Variants in DRD3 observed in about 807,000 individuals in gnomAD.
The protein encoded by DRD3 is D(3) dopamine receptor.
A neutral mutation model predicts 36.3 loss-of-function variants in DRD3; 19 were observed. The observed-to-expected ratio is 0.52, with a 90% CI of 0.36 to 0.77. DRD3 has a LOEUF of 0.77. Ranked by LOEUF, DRD3 falls within the 30% of genes least tolerant of loss-of-function variation. DRD3 has a pLI of 0.00. For missense variants in DRD3, 465 were observed against 505.3 expected, an observed-to-expected ratio of 0.92 and a Z score of 0.77; for synonymous variants, 195 against 203.7, an observed-to-expected ratio of 0.96 and a Z score of 0.36.
At chr3:114,164,010 C>G (rs1377718781) in intron 2 of DRD3, among the ~76,000 whole-genome samples, 2 of 151,804 alleles carry the variant, frequency 1.3e-5, no homozygotes, top group Non-Finnish European at 2.9e-5. Context: ...AACTTGAGGT[C>G]AGGAGTTCGA....
Position 114,131,112 on chromosome 3 carries a change from A to G in DRD3, c.1006+6T>C. The G allele has an allele frequency of 6.2e-7, 1 of 1,611,678 alleles. No individual in the cohort carries two copies. Among genetic ancestry groups the G allele is most frequent in the Non-Finnish European group, 8.5e-7 (1 of 1,178,044 alleles). On this transcript the variant is annotated splice_donor_region_variant and intron_variant, in intron 6 of 6. Transcript: ENST00000383673. ...CCCAACACAGCTCAAGCCAACCCAAACTTACCAAGCACAATGGCCACCATT... is the reference window on the plus strand; with the variant it reads ...CCCAACACAGCTCAAGCCAACCCAAGCTTACCAAGCACAATGGCCACCATT...
intron 3 of DRD3, among the ~76,000 whole-genome samples, chr3:114,156,793 TTC>T (rs1454438663): frequency 2.3e-4 from 32 of 141,932 alleles, no homozygotes; most frequent in African/African-American, 7.9e-4. Flanking sequence ...CTTTCTTTCT[TTC>T]TTTCTCTTTT....
At chr3:114,198,919 A>G (rs56334590) in intron 1 of DRD3, among the ~76,000 whole-genome samples, 28,351 of 152,062 alleles carry the variant, frequency 0.19, 3,112 homozygotes, top group Admixed American at 0.31. Flanking sequence ...TTAAAAATAT[A>G]TATTTTTGTA....
At chr3:114,152,238 CCT>C (rs1395619299) in intron 3 of DRD3, among the ~76,000 whole-genome samples, 1 of 152,118 alleles carries the variant, frequency 6.6e-6, no homozygotes, top group Non-Finnish European at 1.5e-5. Flanking sequence ...TGATGCAAGT[CCT>C]CTCTCGAATC....
At chr3:114,164,220 CAAAA>C (rs34500434) in intron 2 of DRD3, among the ~76,000 whole-genome samples, 118 of 17,742 alleles carry the variant, frequency 6.7e-3, no homozygotes, top group African/African-American at 0.013. Flanking sequence ...GCCTCAGTCT[CAAAA>C]AAAAAAAAAA....
upstream of DRD3, among the ~76,000 whole-genome samples, chr3:114,182,572 GT>G (rs929272805): frequency 5.9e-5 from 9 of 151,728 alleles, no homozygotes; most frequent in Non-Finnish European, 1.3e-4. Context: ...TTTTCTTCCT[GT>G]TTTTTACTAC....
In DRD3 at chr3:114,190,035, A is replaced by T. The variant is rs114887662; in HGVS notation, c.-156+9238T>A. ...CCTGCTGTCACAGCAGATGGGGAAA[A>T]AAGCCGGAGTAACCTGTGGAATTGC... On this transcript the variant is annotated intron_variant, in intron 1 of 7. Coordinates refer to the DRD3 transcript ENST00000460779. 1.0e-3 allele frequency among the ~76,000 whole-genome samples: 157 copies of T among 152,268 alleles called. 2 individuals carry two copies. Among genetic ancestry groups the T allele is most frequent in the African/African-American group, 3.7e-3 (153 of 41,574 alleles).
At chr3:114,154,013 A>G (rs925093810) in intron 3 of DRD3, among the ~76,000 whole-genome samples, 1 of 152,202 alleles carries the variant, frequency 6.6e-6, no homozygotes, top group Non-Finnish European at 1.5e-5. Context: ...TTGAAGACAT[A>G]GGTGCCCCAT....
At chr3:114,146,734 A>G (rs2077573155) in intron 4 of DRD3, among the ~76,000 whole-genome samples, 1 of 151,900 alleles carries the variant, frequency 6.6e-6, no homozygotes, top group Non-Finnish European at 1.5e-5. Context: ...AAAGAAAAAA[A>G]ATTAGTGAGG....
In DRD3 at chr3:114,197,270, TA is replaced by T. The variant is rs1206191959; in HGVS notation, c.-156+2002del. Among the ~76,000 whole-genome samples the T allele has an allele frequency of 1.8e-3, 255 of 138,966 alleles. 2 individuals carry two copies. The highest frequency in any genetic ancestry group is 2.5e-3 in the South Asian group (11 of 4,488). The allele number at this position is 138,966 out of a possible 152,430, so 91.2% of individuals were successfully genotyped here. ...AGGACTATAGGTGCACTTGGCTAAT[TA>T]AAAAAATTTTTTTTTTTTTTTTTTT... On this transcript the variant is annotated intron_variant, in intron 1 of 7. Coordinates refer to the DRD3 transcript ENST00000460779.
In DRD3 at chr3:114,131,859, A is replaced by G. The variant is rs577499209; in HGVS notation, c.724-459T>C. 1.1e-4 allele frequency among the ~76,000 whole-genome samples: 17 copies of G among 152,388 alleles called. No homozygotes were observed. In the East Asian group the frequency reaches 3.1e-3, roughly 28 times the overall value. ...GAGAAATGCAATCAAAATGACAATG[A>G]GATAACATCTCAGGCCAGTTAGAAT... On this transcript the variant is annotated intron_variant, in intron 5 of 6. Coordinates refer to ENST00000383673, the MANE Select transcript of DRD3 (RefSeq NM_000796.6).
intron 5 of DRD3, among the ~76,000 whole-genome samples, chr3:114,133,141 C>T (rs2077445656): frequency 6.6e-6 from 1 of 152,064 alleles, no homozygotes. Context: ...CAGGCATGTG[C>T]CACCACGCCT....
chr3:114,132,775 C>T (rs1024263440), intron 5 of DRD3, among the ~76,000 whole-genome samples: 4 of 152,106 alleles, frequency 2.6e-5, no homozygotes, highest in Non-Finnish European at 4.4e-5. Flanking sequence ...GACTCAGTTT[C>T]TTCAACAAAT....
intron 6 of DRD3, among the ~76,000 whole-genome samples, chr3:114,130,324 T>C (rs1415330886): frequency 3.3e-5 from 5 of 151,920 alleles, no homozygotes; most frequent in South Asian, 2.1e-4. Context: ...TACAGACAAG[T>C]AGGAAAAAAG....
intron 3 of DRD3, among the ~76,000 whole-genome samples, chr3:114,157,918 C>A (rs775996333): frequency 4.1e-4 from 63 of 152,104 alleles, no homozygotes; most frequent in Non-Finnish European, 6.6e-4. Context: ...GCCTGACCAA[C>A]ATGGAGAAAC....
At chr3:114,156,745 T>C (rs867452973) in intron 3 of DRD3, among the ~76,000 whole-genome samples, 39 of 70,502 alleles carry the variant, frequency 5.5e-4, no homozygotes, top group African/African-American at 2.1e-3. Context: ...TTCTTTCTTT[T>C]TCTTTCTTTC....
chr3:114,146,392 T>C (rs866375902), intron 4 of DRD3, among the ~76,000 whole-genome samples: 10 of 152,154 alleles, frequency 6.6e-5, no homozygotes, highest in Non-Finnish European at 1.0e-4. Flanking sequence ...CATGTTACTA[T>C]GTGGTTTAAT....
intron 5 of DRD3, among the ~76,000 whole-genome samples, chr3:114,133,819 G>T (rs9825085): frequency 3.3e-5 from 5 of 152,168 alleles, no homozygotes; most frequent in Non-Finnish European, 5.9e-5. Context: ...ATTACTGATG[G>T]CATAAAAGCC....
chr3:114,187,763 C>G (rs1452497444), intron 1 of DRD3, among the ~76,000 whole-genome samples: 1 of 152,160 alleles, frequency 6.6e-6, no homozygotes, highest in African/African-American at 2.4e-5. Context: ...TCTTGTCTAT[C>G]TTATTTTCCC....
Sources: gnomAD v4.1 joint callset for allele counts (sites outside exome capture counted in the v4.1 genomes callset) on GRCh38, gnomAD v4.1.1 for gene constraint, MANE v1.5 for transcripts, NCBI Gene and HGNC (gene_info 2026-07-23, HGNC 2026-07-21) for gene names.